Variants in ANKRD6 observed in about 807,000 individuals in gnomAD.
ANKRD6 encodes the protein ankyrin repeat domain 6, also known as ankyrin repeat domain-containing protein 6.
Under a neutral mutation model 82.3 loss-of-function variants are expected in ANKRD6, and 56 were observed. That is an observed-to-expected ratio of 0.68 (90% CI 0.55 to 0.85). The LOEUF is 0.85. Ranked by LOEUF, ANKRD6 falls within the 40% of genes least tolerant of loss-of-function variation. ANKRD6 has a pLI of 0.00. For missense variants in ANKRD6, 852 were observed against 907.6 expected (o/e 0.94, Z 0.79); for synonymous variants, 347 against 352.1 (o/e 0.99, Z 0.16).
chr6:89,514,302 T>C (rs1780937385), intron 1 of ANKRD6, among the ~76,000 whole-genome samples: 1 of 152,092 alleles, frequency 6.6e-6, no homozygotes, highest in East Asian at 1.9e-4. Flanking sequence ...CGCTTGAACC[T>C]GGGGGGCGGA....
intron 1 of ANKRD6, among the ~76,000 whole-genome samples, chr6:89,461,086 G>GT (rs964086033): frequency 5.9e-5 from 9 of 151,942 alleles, no homozygotes; most frequent in South Asian, 4.2e-4. Flanking sequence ...TTTATTTATT[G>GT]TTTTTTTGGT....
intron 1 of ANKRD6, among the ~76,000 whole-genome samples, chr6:89,550,451 G>A (rs1486473970): frequency 6.6e-6 from 1 of 152,104 alleles, no homozygotes; most frequent in Non-Finnish European, 1.5e-5. Context: ...GTGTAGTTCC[G>A]TCCATATAAA....
At chr6:89,585,472 T>G (rs567232098) in intron 2 of ANKRD6, among the ~76,000 whole-genome samples, 1 of 152,202 alleles carries the variant, frequency 6.6e-6, no homozygotes, top group African/African-American at 2.4e-5. Flanking sequence ...ACTTAAAAAT[T>G]GTTAAAATGG....
rs753397300 is a variant in ANKRD6, at chr6:89,567,087, G to A, written c.111G>A (p.Ala37=). ...TCATCAACAAGGGCGCCAGGGTAGC[G>A]GTTACCAAGGTAACAAGAGAAAAAT... ...VQLINKGARV[A]VTKHGRTPLH... The change falls in exon 2 of 16, where the codon GCG becomes GCA. Residue 37 remains alanine (A), a synonymous_variant. Coordinates refer to ENST00000339746, the MANE Select transcript of ANKRD6 (RefSeq NM_001242809.2). 16 of 1,595,442 alleles carry A rather than the reference G, an allele frequency of 1.0e-5. No homozygotes were observed. Among genetic ancestry groups the A allele is most frequent in the South Asian group, 5.7e-5 (5 of 87,868 alleles).
Position 89,622,085 on chromosome 6 carries a change from A to G in ANKRD6, c.897+59A>G, listed in dbSNP as rs556308859. ...ACCCATGCTCAGAGGGTGGGAAACT[A>G]TCTCCCTGCTTCGGCCAGGTTCACC... On this transcript the variant is annotated intron_variant, in intron 10 of 15. Transcript: ENST00000339746. The G allele has an allele frequency of 8.6e-6, 13 of 1,507,332 alleles. No homozygotes were observed. In the African/African-American group the frequency reaches 1.2e-4, roughly 14 times the overall value. 93.4% of individuals were successfully genotyped at this position (1,507,332 alleles called of 1,614,324 possible).
At chr6:89,523,525 AT>A (rs1202875652) in intron 1 of ANKRD6, among the ~76,000 whole-genome samples, 1 of 152,104 alleles carries the variant, frequency 6.6e-6, no homozygotes, top group Non-Finnish European at 1.5e-5. Context: ...TGTTTATCCT[AT>A]TGATAACTCG....
intron 2 of ANKRD6, among the ~76,000 whole-genome samples, chr6:89,583,459 T>A (rs1199465215): frequency 6.6e-6 from 1 of 152,222 alleles, no homozygotes; most frequent in Non-Finnish European, 1.5e-5. Flanking sequence ...ATGATAAGGA[T>A]GGTAATTAGG....
At chr6:89,540,477 A>G (rs1784328084) in intron 1 of ANKRD6, among the ~76,000 whole-genome samples, 1 of 152,024 alleles carries the variant, frequency 6.6e-6, no homozygotes, top group African/African-American at 2.4e-5. Flanking sequence ...GGATTGTTAG[A>G]TTATTTTCCT....
intron 6 of ANKRD6, 26 bp from the exon 7 acceptor site, chr6:89,613,766 G>A (rs761683384): frequency 1.2e-6 from 2 of 1,606,456 alleles, no homozygotes; most frequent in South Asian, 2.2e-5. Flanking sequence ...CTCAGATTGT[G>A]CTTAGAGTTT....
chr6:89,614,843 A>AC (rs1477648216), intron 7 of ANKRD6, among the ~76,000 whole-genome samples: 34 of 146,898 alleles, frequency 2.3e-4, no homozygotes, highest in African/African-American at 7.9e-4. Flanking sequence ...TAAAGGAAAA[A>AC]AAAAAAAACA....
At chr6:89,593,381 C>T (rs181741433) in intron 2 of ANKRD6, among the ~76,000 whole-genome samples, 2 of 152,352 alleles carry the variant, frequency 1.3e-5, no homozygotes, top group Non-Finnish European at 2.9e-5. Context: ...TCTATCTGAT[C>T]AGCTATGATT....
intron 1 of ANKRD6, among the ~76,000 whole-genome samples, chr6:89,544,857 T>C (rs1379229833): frequency 6.6e-6 from 1 of 152,132 alleles, no homozygotes; most frequent in African/African-American, 2.4e-5. Flanking sequence ...AAGAAGTAGC[T>C]GCCTCAGATG....
In ANKRD6 at chr6:89,566,821, T is replaced by C; in HGVS notation, c.-143-13T>C. On this transcript the variant is annotated splice_polypyrimidine_tract_variant and intron_variant, in intron 1 of 15. Coordinates refer to ENST00000339746, the MANE Select transcript of ANKRD6 (RefSeq NM_001242809.2). ...AAGTGGCCCTGATGGCACCTTTGTT[T>C]TGTAACCCCTAGGTCCCGAAGATGG... is the stretch of plus-strand genomic sequence containing the variant. 7.6e-6 allele frequency: 8 copies of C among 1,049,682 alleles called. No individual in the cohort carries two copies. Among genetic ancestry groups the C allele is most frequent in the African/African-American group, 1.6e-5 (1 of 62,158 alleles). 65.0% of individuals were successfully genotyped at this position (1,049,682 alleles called of 1,614,324 possible). A position where few individuals can be genotyped will look rare whatever the true frequency, so the allele number is the denominator to read the frequency against.
chr6:89,578,962 G>A (rs923922980), intron 2 of ANKRD6, among the ~76,000 whole-genome samples: 1 of 152,160 alleles, frequency 6.6e-6, no homozygotes, highest in African/African-American at 2.4e-5. Flanking sequence ...CACTATGCTG[G>A]CCACCCCTCA....
intron 1 of ANKRD6, among the ~76,000 whole-genome samples, chr6:89,538,698 G>A (rs1490346347): frequency 6.6e-6 from 1 of 152,134 alleles, no homozygotes; most frequent in Non-Finnish European, 1.5e-5. Flanking sequence ...ACATGTTGAA[G>A]TATGGTGGGA....
chr6:89,527,560 C>CT (rs1208358315), intron 1 of ANKRD6, among the ~76,000 whole-genome samples: 4 of 136,528 alleles, frequency 2.9e-5, no homozygotes, highest in Admixed American at 2.4e-4. Context: ...CTCCACTGTC[C>CT]TCCAGCCTAG....
At chr6:89,553,061 G>A (rs1467230346) in intron 1 of ANKRD6, among the ~76,000 whole-genome samples, 3 of 152,224 alleles carry the variant, frequency 2.0e-5, no homozygotes, top group Non-Finnish European at 4.4e-5. Flanking sequence ...CATGCATGTT[G>A]ATAGCTGCAG....
intron 1 of ANKRD6, among the ~76,000 whole-genome samples, chr6:89,529,892 C>T (rs991082099): frequency 6.6e-6 from 1 of 151,944 alleles, no homozygotes; most frequent in South Asian, 2.1e-4. Flanking sequence ...TTCAGGGTAC[C>T]CCAAAACAAT....
chr6:89,600,137 T>C (rs576044294), intron 3 of ANKRD6, among the ~76,000 whole-genome samples: 1 of 152,264 alleles, frequency 6.6e-6, no homozygotes, highest in African/African-American at 2.4e-5. Flanking sequence ...AGGTCTGAAC[T>C]GAAAGTTAGA....
Sources: allele counts gnomAD v4.1 joint callset (sites outside exome capture counted in the v4.1 genomes callset), GRCh38; gene constraint gnomAD v4.1.1; transcripts MANE v1.5; gene names NCBI Gene and HGNC (gene_info 2026-07-23, HGNC 2026-07-21).